The following SBSPON variants were observed in gnomAD, a reference collection of about 807,000 sequenced individuals.
SBSPON encodes the protein somatomedin-B and thrombospondin type-1 domain-containing protein.
SBSPON carries 30 observed loss-of-function variants against 35.8 expected under a neutral mutation model. That is an observed-to-expected ratio of 0.84 (90% CI 0.63 to 1.14). The LOEUF (loss-of-function observed/expected upper bound fraction) is 1.14, where lower values mean the gene tolerates loss of function less well. SBSPON is among the 50% of genes most tolerant of loss of function. The pLI, the probability that SBSPON is intolerant of heterozygous loss-of-function variation, is 0.00. For synonymous variants in SBSPON, 136 were observed against 135.9 expected (o/e 1.00, Z 0.00); for missense variants, 364 against 357.7 (o/e 1.02, Z -0.14).
At chr8:73,070,013 T>G (rs1563485872) in intron 3 of SBSPON, 32 bp from the exon 4 acceptor site, 1 of 1,429,448 alleles carries the variant, frequency 7.0e-7, no homozygotes. Context: ...TGACACTTGC[T>G]GTAATGAGCA....
intron 1 of SBSPON, chr8:73,085,845 T>C (rs1025630894): frequency 3.9e-5 from 6 of 152,242 alleles, no homozygotes; most frequent in African/African-American, 7.2e-5. Flanking sequence ...CTTGTTTTCA[T>C]GTAGCAGTGT....
At chr8:73,084,460 G>T (rs1301029050) in intron 1 of SBSPON, among the ~76,000 whole-genome samples, 1 of 152,106 alleles carries the variant, frequency 6.6e-6, no homozygotes, top group Non-Finnish European at 1.5e-5. Context: ...GACCTACAAG[G>T]TTCTGTTCCT....
rs200404302 is a variant in SBSPON at position 73,081,107 on chromosome 8, G to A, written c.321C>T (p.Asn107=). 101 of 1,613,244 alleles carry A rather than the reference G, an allele frequency of 6.3e-5. 1 individual carries two copies. The highest frequency in any genetic ancestry group is 7.6e-5 in the Non-Finnish European group (90 of 1,179,640). Reference sequence around the variant, plus strand: ...CCAGGGGTGGGCAGGGCGCCCCGCCGTTCTGAGGCTCCTGCTGCACCGAGC... The same window carrying A: ...CCAGGGGTGGGCAGGGCGCCCCGCCATTCTGAGGCTCCTGCTGCACCGAGC... ...RRRSVQQEPQ[N]GGAPCPPLEE... Residue 107 remains asparagine (N), a synonymous_variant, in exon 2 of 5, where the codon AAC becomes AAT. Coordinates refer to ENST00000297354, the MANE Select transcript of SBSPON (RefSeq NM_153225.4).
chr8:73,071,955 G>A (rs1810501563), intron 2 of SBSPON, 85 bp from the exon 3 acceptor site: 1 of 791,976 alleles, frequency 1.3e-6, no homozygotes, highest in Non-Finnish European at 2.2e-6. Context: ...ACCTGTCTAA[G>A]GGTCTCCATT....
Position 73,092,977 on chromosome 8 carries a change from CGG to C in SBSPON, c.89_90del (p.Pro30ArgfsTer143), listed in dbSNP as rs1311320302. On this transcript the variant is annotated frameshift_variant, in exon 1 of 5. Coordinates refer to ENST00000297354, the MANE Select transcript of SBSPON (RefSeq NM_153225.4). LOFTEE classifies it high-confidence loss of function. The stretch of plus-strand genomic sequence containing the variant: ...CGGGCGAAGCAGGCGGGGTCCCGGC[CGG>C]GACAGCAGCGCCCGGCCTCGGCGCA... ...AGCAEAGRCC[P>X]GRDPACFARG... is the part of the protein sequence containing the mutation. The C allele has an allele frequency of 1.3e-6, 2 of 1,584,054 alleles. No individual in the cohort carries two copies. The highest frequency in any genetic ancestry group is 1.7e-6 in the Non-Finnish European group (2 of 1,167,974).
At chr8:73,074,744 C>A (rs933069559) in intron 2 of SBSPON, among the ~76,000 whole-genome samples, 1 of 152,208 alleles carries the variant, frequency 6.6e-6, no homozygotes, top group Admixed American at 6.5e-5. Context: ...CCCCTTGTAT[C>A]TGGAGTCACC....
At chr8:73,080,418 G>A (rs1014334567) in intron 2 of SBSPON, among the ~76,000 whole-genome samples, 18 of 152,126 alleles carry the variant, frequency 1.2e-4, no homozygotes, top group Non-Finnish European at 5.9e-5. Flanking sequence ...GGGAGGCTGA[G>A]GCAGAAGAAT....
rs117605113 is a variant in SBSPON at position 73,075,637 on chromosome 8, T to C, written c.410-3767A>G. On this transcript the variant is annotated intron_variant, in intron 2 of 4. Transcript: ENST00000297354. ...ACTTCCACTTCTAAAAGCAGGGCAT[T>C]GCATATACTTACTTTGAACATGAAA... The C allele has an allele frequency of 6.0e-4, 105 of 175,104 alleles. 1 individual carries two copies. In the East Asian group the frequency reaches 0.017, roughly 28 times the overall value. 10.8% of individuals were successfully genotyped at this position (175,104 alleles called of 1,614,324 possible).
At chr8:73,074,206 T>C (rs1283958939) in intron 2 of SBSPON, among the ~76,000 whole-genome samples, 1 of 152,156 alleles carries the variant, frequency 6.6e-6, no homozygotes, top group Non-Finnish European at 1.5e-5. Flanking sequence ...ATTTATGTAA[T>C]CAAATTTGTA....
chr8:73,093,050 C>T lies in SBSPON; in HGVS notation c.18G>A (p.Met6Ile). The T allele has an allele frequency of 7.3e-7, 1 of 1,373,504 alleles. No individual in the cohort carries two copies. 85.1% of individuals were successfully genotyped at this position (1,373,504 alleles called of 1,614,324 possible). ...ACAGCCGCGACAGCGCGCACAGCGC[C>T]ATCCACAGGGTCCTCATGGCCAGGG... Reference protein sequence around the residue: MRTLWMALCALSRLWP... With the variant: MRTLWIALCALSRLWP... Residue 6 changes from methionine (M) to isoleucine (I), a missense_variant, in exon 1 of 5, where the codon ATG becomes ATA. Met to Ile is a conservative substitution (Grantham distance 10). Transcript: ENST00000297354.
In SBSPON at chr8:73,081,218, A is replaced by G; in HGVS notation, c.215-5T>C. ...CCCCCACGAAGCACGGGCGAGCTGA[A>G]AAACAGCACAATAGGACGCTCACCT... is the stretch of plus-strand genomic sequence containing the variant. On this transcript the variant is annotated splice_region_variant and splice_polypyrimidine_tract_variant and intron_variant, in intron 1 of 4. Coordinates refer to ENST00000297354, the MANE Select transcript of SBSPON (RefSeq NM_153225.4). 1.3e-6 allele frequency: 2 copies of G among 1,572,606 alleles called. No homozygotes were observed. Among genetic ancestry groups the G allele is most frequent in the Non-Finnish European group, 1.7e-6 (2 of 1,157,328 alleles).
At chr8:73,091,343 G>A (rs761723034) in intron 1 of SBSPON, among the ~76,000 whole-genome samples, 1 of 152,172 alleles carries the variant, frequency 6.6e-6, no homozygotes, top group Non-Finnish European at 1.5e-5. Context: ...AACTATTTCA[G>A]TGCTAAGTGT....
chr8:73,088,697 A>G (rs1810879604), intron 1 of SBSPON, among the ~76,000 whole-genome samples: 1 of 149,734 alleles, frequency 6.7e-6, no homozygotes, highest in East Asian at 1.9e-4. Flanking sequence ...AGAAAAAAAA[A>G]GAGAGAAGAA....
In SBSPON at chr8:73,087,485, A is replaced by G. The variant is rs138649987; in HGVS notation, c.214+5369T>C. Among the ~76,000 whole-genome samples, 125 of 152,288 alleles carry G rather than the reference A, an allele frequency of 8.2e-4. 8 individuals are homozygous for G. The East Asian group carries it at 0.011, about 13-fold the overall frequency. On this transcript the variant is annotated intron_variant, in intron 1 of 4. Coordinates refer to ENST00000297354, the MANE Select transcript of SBSPON (RefSeq NM_153225.4). Reference sequence around the variant, plus strand: ...GGCCGCAGCCAAATTCTGCTAAGTCAAGTCCATTTGAATACTGGCTCCAGT... The same window carrying G: ...GGCCGCAGCCAAATTCTGCTAAGTCGAGTCCATTTGAATACTGGCTCCAGT...
intron 3 of SBSPON, among the ~76,000 whole-genome samples, chr8:73,070,759 CAT>C (rs1810479950): frequency 6.6e-6 from 1 of 152,174 alleles, no homozygotes; most frequent in Non-Finnish European, 1.5e-5. Context: ...GGAAACAAGA[CAT>C]AGTAAAATCT....
intron 1 of SBSPON, chr8:73,085,970 C>G (rs1810815981): frequency 6.6e-6 from 1 of 152,182 alleles, no homozygotes; most frequent in Admixed American, 6.5e-5. Flanking sequence ...TTCTCCCTCA[C>G]ATCGTTAAGT....
intron 1 of SBSPON, among the ~76,000 whole-genome samples, chr8:73,084,749 G>GAC (rs57178636): frequency 0.074 from 9,901 of 134,272 alleles, 424 homozygotes; most frequent in Admixed American, 0.13. Context: ...CCACTACACA[G>GAC]ACACACACAC....
intron 2 of SBSPON, among the ~76,000 whole-genome samples, chr8:73,079,765 C>G (rs1429564473): frequency 1.3e-5 from 2 of 152,172 alleles, no homozygotes; most frequent in Admixed American, 6.5e-5. Context: ...CATTAATTCC[C>G]TGGATTATCT....
At chr8:73,074,603 A>T in intron 2 of SBSPON, 2 of 981,954 alleles carry the variant, frequency 2.0e-6, no homozygotes, top group South Asian at 9.4e-5. Context: ...AATATAGATG[A>T]CAAAGTTCCA....
Sources: gnomAD v4.1 joint callset for allele counts (sites outside exome capture counted in the v4.1 genomes callset) on GRCh38, gnomAD v4.1.1 for gene constraint, MANE v1.5 for transcripts, NCBI Gene and HGNC (gene_info 2026-07-23, HGNC 2026-07-21) for gene names.